The following CNTNAP2 variants were observed in gnomAD, a reference collection of about 807,000 sequenced individuals.
CNTNAP2 encodes contactin associated protein 2, also known as contactin-associated protein-like 2.
A neutral mutation model predicts 155.2 loss-of-function variants in CNTNAP2; 98 were observed. That is an observed-to-expected ratio of 0.63 (90% CI 0.54 to 0.75). The LOEUF is 0.75. Ranked by LOEUF, CNTNAP2 falls within the 30% of genes least tolerant of loss-of-function variation. The pLI, the probability that CNTNAP2 is intolerant of heterozygous loss-of-function variation, is 0.00. For synonymous variants in CNTNAP2, 651 were observed against 631.2 expected, an observed-to-expected ratio of 1.03 and a Z score of -0.47; for missense variants, 1,727 against 1,688.1, an observed-to-expected ratio of 1.02 and a Z score of -0.40.
At chr7:146,968,271 C>G (rs959260761) in intron 3 of CNTNAP2, among the ~76,000 whole-genome samples, 1 of 151,988 alleles carries the variant, frequency 6.6e-6, no homozygotes, top group Non-Finnish European at 1.5e-5. Flanking sequence ...CTAAAATTCT[C>G]TTTTTTTGTT....
intron 22 of CNTNAP2, among the ~76,000 whole-genome samples, chr7:148,389,302 C>T (rs370492125): frequency 2.0e-4 from 30 of 152,160 alleles, no homozygotes; most frequent in East Asian, 1.7e-3. Context: ...ATGCTGTTGT[C>T]GTGACAGTGA....
chr7:148,085,598 A>C (rs1365218684), intron 15 of CNTNAP2, among the ~76,000 whole-genome samples: 1 of 152,202 alleles, frequency 6.6e-6, no homozygotes, highest in African/African-American at 2.4e-5. Flanking sequence ...CTGAACTTTT[A>C]ATCAAATTTT....
At chr7:146,931,458 G>A (rs933810122) in intron 3 of CNTNAP2, among the ~76,000 whole-genome samples, 6 of 149,066 alleles carry the variant, frequency 4.0e-5, no homozygotes, top group Non-Finnish European at 1.5e-5. Context: ...GAAATTTATA[G>A]CACTAAATGC....
chr7:148,137,674 AAGGAAGG>A (rs1475740571), intron 16 of CNTNAP2, among the ~76,000 whole-genome samples: 124 of 35,342 alleles, frequency 3.5e-3, no homozygotes, highest in Non-Finnish European at 3.1e-3. Flanking sequence ...AAAAAAAAGG[AAGGAAGG>A]AAGGAAGGAA....
Position 147,707,249 on chromosome 7 carries a change from C to T in CNTNAP2, c.2098+67943C>T, listed in dbSNP as rs573954659. On this transcript the variant is annotated intron_variant, in intron 13 of 23. Coordinates refer to ENST00000361727, the MANE Select transcript of CNTNAP2 (RefSeq NM_014141.6). ...TATCTGGTGTAAACATTTCTTCTTC[C>T]GGGTTTTTGAATTTGCTTTCCTAAG... Among the ~76,000 whole-genome samples the T allele has an allele frequency of 1.3e-4, 20 of 152,164 alleles. No homozygotes were observed. The East Asian group carries it at 3.3e-3, about 25-fold the overall frequency.
intron 1 of CNTNAP2, among the ~76,000 whole-genome samples, chr7:146,514,062 C>T (rs192757855): frequency 2.6e-5 from 4 of 152,020 alleles, no homozygotes; most frequent in Non-Finnish European, 5.9e-5. Flanking sequence ...CTGGTTTTCA[C>T]TGAGAATCAC....
intron 1 of CNTNAP2, among the ~76,000 whole-genome samples, chr7:146,757,067 G>C (rs188080227): frequency 6.6e-6 from 1 of 152,074 alleles, no homozygotes; most frequent in Non-Finnish European, 1.5e-5. Flanking sequence ...TGAACATTTC[G>C]AGTCAGTGAT....
intron 13 of CNTNAP2, among the ~76,000 whole-genome samples, chr7:147,864,142 A>C (rs550631060): frequency 1.3e-3 from 193 of 152,272 alleles, no homozygotes; most frequent in African/African-American, 4.5e-3. Context: ...AGCTTTCTAC[A>C]TATGGCTAGC....
chr7:148,209,961 C>G (rs1209087359), intron 18 of CNTNAP2, among the ~76,000 whole-genome samples: 2 of 152,180 alleles, frequency 1.3e-5, no homozygotes, highest in African/African-American at 2.4e-5. Flanking sequence ...CTTTCCCTAC[C>G]CCCGTTACCA....
intron 1 of CNTNAP2, among the ~76,000 whole-genome samples, chr7:146,133,659 A>G (rs1036262877): frequency 2.0e-5 from 3 of 152,116 alleles, no homozygotes; most frequent in African/African-American, 7.2e-5. Context: ...AGCACCATTT[A>G]TTAAATAGGG....
chr7:146,708,824 G>A (rs1238946600), intron 1 of CNTNAP2, among the ~76,000 whole-genome samples: 1 of 151,776 alleles, frequency 6.6e-6, no homozygotes, highest in Non-Finnish European at 1.5e-5. Context: ...CTGACTTCAG[G>A]TGATCCACCT....
chr7:148,004,283 T>A (rs1801939696), intron 15 of CNTNAP2, among the ~76,000 whole-genome samples: 1 of 152,196 alleles, frequency 6.6e-6, no homozygotes, highest in South Asian at 2.1e-4. Context: ...TGATTAAGCC[T>A]TCTATTTTTT....
At chr7:146,962,148 T>C (rs1797568539) in intron 3 of CNTNAP2, among the ~76,000 whole-genome samples, 1 of 152,192 alleles carries the variant, frequency 6.6e-6, no homozygotes, top group African/African-American at 2.4e-5. Context: ...TGTTGTGAGA[T>C]TCTTGAGAAC....
intron 15 of CNTNAP2, among the ~76,000 whole-genome samples, chr7:148,096,284 T>A (rs1406138310): frequency 1.4e-5 from 1 of 72,392 alleles, no homozygotes; most frequent in Admixed American, 1.4e-4. Context: ...CATGCATGTG[T>A]GTGTGTGTGT....
chr7:146,997,771 A>G (rs182051828), intron 3 of CNTNAP2, among the ~76,000 whole-genome samples: 1 of 152,116 alleles, frequency 6.6e-6, no homozygotes, highest in Admixed American at 6.6e-5. Flanking sequence ...TCATAATTCA[A>G]TCTTGGTAAG....
At chr7:146,938,625 A>G (rs774689322) in intron 3 of CNTNAP2, among the ~76,000 whole-genome samples, 3 of 151,988 alleles carry the variant, frequency 2.0e-5, no homozygotes, top group Non-Finnish European at 2.9e-5. Flanking sequence ...GATTCTGTTT[A>G]GGGTATTATG....
chr7:147,196,747 A>G (rs73156430), intron 8 of CNTNAP2, among the ~76,000 whole-genome samples: 11 of 152,196 alleles, frequency 7.2e-5, no homozygotes, highest in African/African-American at 2.7e-4. Flanking sequence ...AGTATCACAA[A>G]TTACAGAATG....
chr7:146,619,074 CA>C (rs397974061), intron 1 of CNTNAP2, among the ~76,000 whole-genome samples: 1,049 of 85,672 alleles, frequency 0.012, 7 homozygotes, highest in Middle Eastern at 0.063. Context: ...GACTTCATCT[CA>C]AAAAAAAAAA....
intron 1 of CNTNAP2, among the ~76,000 whole-genome samples, chr7:146,487,032 A>G (rs765004713): frequency 2.0e-4 from 30 of 152,226 alleles, no homozygotes; most frequent in Admixed American, 2.0e-4. Flanking sequence ...TGCCAAAATG[A>G]CATTTCTAAA....
Sources: gnomAD v4.1 joint callset for allele counts (sites outside exome capture counted in the v4.1 genomes callset) on GRCh38, gnomAD v4.1.1 for gene constraint, MANE v1.5 for transcripts, NCBI Gene and HGNC (gene_info 2026-07-23, HGNC 2026-07-21) for gene names.